CMSS1: variants seen among roughly 807,000 people sequenced by gnomAD.
The protein encoded by CMSS1 is protein CMSS1.
In CMSS1, 33 loss-of-function variants were observed where a neutral mutation model predicts 43.5. That is an observed-to-expected ratio of 0.76 (90% CI 0.57 to 1.01). The LOEUF (loss-of-function observed/expected upper bound fraction) is 1.01, where lower values mean the gene tolerates loss of function less well. Ranked by LOEUF, CMSS1 falls within the 50% of genes least tolerant of loss-of-function variation. CMSS1 has a pLI of 0.00. For missense variants in CMSS1, 313 were observed against 326.4 expected, an observed-to-expected ratio of 0.96 and a Z score of 0.32; for synonymous variants, 115 against 117.2, an observed-to-expected ratio of 0.98 and a Z score of 0.12.
intron 1 of CMSS1, among the ~76,000 whole-genome samples, chr3:99,927,787 C>G (rs1449033873): frequency 1.3e-5 from 2 of 152,032 alleles, no homozygotes; most frequent in Non-Finnish European, 2.9e-5. Flanking sequence ...GGTCAAAACT[C>G]TTGTGGACTG....
intron 1 of CMSS1, among the ~76,000 whole-genome samples, chr3:100,145,288 A>G (rs1196097255): frequency 6.6e-6 from 1 of 152,036 alleles, no homozygotes; most frequent in Non-Finnish European, 1.5e-5. Flanking sequence ...TAAAAACACA[A>G]AAATTAGCCA....
intron 1 of CMSS1, among the ~76,000 whole-genome samples, chr3:99,918,370 A>G (rs1707021288): frequency 2.0e-5 from 3 of 152,212 alleles, no homozygotes. Flanking sequence ...CCAGACTGCC[A>G]CTATCTCTAA....
chr3:99,848,501 C>T lies in CMSS1; in HGVS notation c.64+30458C>T, dbSNP rs748588338. 6 of 1,614,044 alleles carry T rather than the reference C, an allele frequency of 3.7e-6. 1 individual carries two copies. In the South Asian group the frequency reaches 5.5e-5, roughly 15 times the overall value. The stretch of plus-strand genomic sequence containing the variant: ...CCTAAGTGAATGTGGATTTTATTAT[C>T]CTCAGTAGTTATCACACTTGAGCTA... On this transcript the variant is annotated intron_variant, in intron 1 of 9. Coordinates refer to ENST00000421999, the MANE Select transcript of CMSS1 (RefSeq NM_032359.4).
At chr3:99,889,857 G>C (rs970876730) in intron 1 of CMSS1, among the ~76,000 whole-genome samples, 2 of 151,810 alleles carry the variant, frequency 1.3e-5, no homozygotes, top group Non-Finnish European at 2.9e-5. Context: ...TACCCTCCCA[G>C]TTTTTATATT....
At chr3:100,141,921 G>A (rs897512351) in intron 1 of CMSS1, among the ~76,000 whole-genome samples, 3 of 152,164 alleles carry the variant, frequency 2.0e-5, no homozygotes, top group African/African-American at 7.2e-5. Context: ...CTGAGTACTG[G>A]AGCCAACCTG....
At chr3:99,827,775 T>A (rs530157325) in intron 1 of CMSS1, among the ~76,000 whole-genome samples, 1 of 152,228 alleles carries the variant, frequency 6.6e-6, no homozygotes, top group African/African-American at 2.4e-5. Flanking sequence ...CCGGCTAATT[T>A]TGCATTTTTA....
At chr3:99,923,219 A>G (rs138938354) in intron 1 of CMSS1, among the ~76,000 whole-genome samples, 6 of 152,100 alleles carry the variant, frequency 3.9e-5, no homozygotes, top group African/African-American at 1.2e-4. Flanking sequence ...AGTTTCAGCT[A>G]TCACCTGCTG....
chr3:99,856,748 A>G (rs1207259252), intron 1 of CMSS1, among the ~76,000 whole-genome samples: 1 of 152,188 alleles, frequency 6.6e-6, no homozygotes, highest in Non-Finnish European at 1.5e-5. Flanking sequence ...TGATACACTC[A>G]GAGGGTTTTT....
At chr3:99,883,348 A>G (rs1705790953) in intron 1 of CMSS1, among the ~76,000 whole-genome samples, 1 of 152,186 alleles carries the variant, frequency 6.6e-6, no homozygotes, top group Non-Finnish European at 1.5e-5. Flanking sequence ...AGTCTTTTAA[A>G]TATTTGAAAA....
At position 100,181,108 on chromosome 3, in the gene CMSS1, C is replaced by T. The variant is rs1210529505; in HGVS notation, c.*2720C>T. On this transcript the variant is annotated 3_prime_UTR_variant, in exon 10 of 10. Coordinates refer to ENST00000421999, the MANE Select transcript of CMSS1 (RefSeq NM_032359.4). ...AGAACAGCAAGGGGGAAATCTGCCCCCATGATCTAATCACCTCCCACCAGA... is the reference window on the plus strand; with the variant it reads ...AGAACAGCAAGGGGGAAATCTGCCCTCATGATCTAATCACCTCCCACCAGA... 1 of 152,162 alleles carries T rather than the reference C, an allele frequency of 6.6e-6. No homozygotes were observed. The highest frequency in any genetic ancestry group is 1.5e-5 in the Non-Finnish European group (1 of 68,046). The allele number at this position is 152,162 out of a possible 1,614,324, so 9.4% of individuals were successfully genotyped here.
chr3:99,977,119 G>A (rs555582706), intron 1 of CMSS1, among the ~76,000 whole-genome samples: 4 of 152,282 alleles, frequency 2.6e-5, no homozygotes, highest in South Asian at 4.1e-4. Context: ...AGAACAGCAC[G>A]AACATTGTCA....
rs538424217 is a variant in CMSS1, at chr3:100,102,958, G to A, written c.65-44015G>A. Among the ~76,000 whole-genome samples, 10 of 152,342 alleles carry A rather than the reference G, an allele frequency of 6.6e-5. No homozygotes were observed. The South Asian group carries it at 1.9e-3, about 28-fold the overall frequency. On this transcript the variant is annotated intron_variant, in intron 1 of 9. Coordinates refer to ENST00000421999, the MANE Select transcript of CMSS1 (RefSeq NM_032359.4). ...AGCAGATTGGCAAGAGCAGTTGAAA[G>A]GAAAAAGCAATGTAATGCCCTCTGC... is the stretch of plus-strand genomic sequence containing the variant.
At chr3:100,124,842 G>C (rs2066650609) in intron 1 of CMSS1, among the ~76,000 whole-genome samples, 1 of 151,908 alleles carries the variant, frequency 6.6e-6, no homozygotes, top group African/African-American at 2.4e-5. Context: ...TGATGTCAAT[G>C]GTTTATAAAT....
At chr3:99,973,816 A>G (rs886143907) in intron 1 of CMSS1, among the ~76,000 whole-genome samples, 8 of 152,182 alleles carry the variant, frequency 5.3e-5, no homozygotes, top group Non-Finnish European at 1.0e-4. Context: ...AAATACCTCT[A>G]TTCCTAGGCC....
chr3:100,051,037 A>G (rs1370660173), intron 1 of CMSS1, among the ~76,000 whole-genome samples: 1 of 152,152 alleles, frequency 6.6e-6, no homozygotes, highest in Admixed American at 6.5e-5. Flanking sequence ...CACCTTCAAT[A>G]GAGAAATCAC....
chr3:99,948,795 GAAGA>G (rs908532175), intron 1 of CMSS1, among the ~76,000 whole-genome samples: 1 of 151,974 alleles, frequency 6.6e-6, no homozygotes, highest in African/African-American at 2.4e-5. Flanking sequence ...AAGAAAAAGA[GAAGA>G]AAGAAGAGAG....
At chr3:100,131,557 C>T (rs1313175962) in intron 1 of CMSS1, among the ~76,000 whole-genome samples, 4 of 152,210 alleles carry the variant, frequency 2.6e-5, no homozygotes, top group Non-Finnish European at 5.9e-5. Flanking sequence ...TGAGCTCCCT[C>T]CCTACATCTC....
chr3:99,941,971 A>G (rs1280351167), intron 1 of CMSS1, among the ~76,000 whole-genome samples: 1 of 152,196 alleles, frequency 6.6e-6, no homozygotes, highest in Non-Finnish European at 1.5e-5. Flanking sequence ...AATGTGAACT[A>G]TAAATTAGGT....
chr3:100,120,728 G>A (rs1367561184), intron 1 of CMSS1, among the ~76,000 whole-genome samples: 1 of 141,090 alleles, frequency 7.1e-6, no homozygotes, highest in Non-Finnish European at 1.5e-5. Context: ...GTAGCCTGTT[G>A]TCTAAGTCTT....
Sources: allele counts gnomAD v4.1 joint callset (sites outside exome capture counted in the v4.1 genomes callset), GRCh38; gene constraint gnomAD v4.1.1; transcripts MANE v1.5; gene names NCBI Gene and HGNC (gene_info 2026-07-23, HGNC 2026-07-21).